NDE1: variants seen among roughly 807,000 people sequenced by gnomAD.
The protein encoded by NDE1 is nudE neurodevelopment protein 1.
NDE1 carries 28 observed loss-of-function variants against 43.4 expected under a neutral mutation model. That is an observed-to-expected ratio of 0.65 (90% CI 0.48 to 0.89). The LOEUF is 0.89. Ranked by LOEUF, NDE1 falls within the 40% of genes least tolerant of loss-of-function variation. The pLI, the probability that NDE1 is intolerant of heterozygous loss-of-function variation, is 0.00. For missense variants in NDE1, 441 were observed against 434.1 expected (o/e 1.02, Z -0.14); for synonymous variants, 184 against 172.0 (o/e 1.07, Z -0.55).
chr16:15,717,076 C>T, intron 8 of NDE1: 1 of 1,554,028 alleles, frequency 6.4e-7, no homozygotes, highest in South Asian at 1.1e-5. Context: ...TCCCTGACTT[C>T]ACTATGACTC....
intron 8 of NDE1, among the ~76,000 whole-genome samples, chr16:15,716,251 C>T (rs911797861): frequency 2.6e-5 from 4 of 151,920 alleles, no homozygotes; most frequent in African/African-American, 4.8e-5. Context: ...CTGTTTGAGC[C>T]GATGAAAATG....
chr16:15,712,655 G>T (rs564660654), intron 8 of NDE1, among the ~76,000 whole-genome samples: 92 of 152,176 alleles, frequency 6.0e-4, no homozygotes, highest in South Asian at 1.7e-3. Context: ...CGAGGTGAGG[G>T]ATCAGCAGAG....
At chr16:15,655,541 CT>C (rs2036718238) in intron 1 of NDE1, among the ~76,000 whole-genome samples, 1 of 152,162 alleles carries the variant, frequency 6.6e-6, no homozygotes, top group African/African-American at 2.4e-5. Flanking sequence ...GGACTGTAAA[CT>C]AGTTCAACCA....
At chr16:15,702,383 G>A (rs1336609084) in intron 8 of NDE1, among the ~76,000 whole-genome samples, 1 of 152,094 alleles carries the variant, frequency 6.6e-6, no homozygotes, top group African/African-American at 2.4e-5. Context: ...AATACTATCT[G>A]GCTGGGTGGG....
upstream of NDE1, among the ~76,000 whole-genome samples, chr16:15,648,137 G>A (rs2151380974): frequency 6.6e-6 from 1 of 152,114 alleles, no homozygotes; most frequent in African/African-American, 2.4e-5. Context: ...TTGATAACAG[G>A]CATGCAATGC....
At chr16:15,707,382 C>T (rs1041725521) in intron 8 of NDE1, among the ~76,000 whole-genome samples, 1 of 152,162 alleles carries the variant, frequency 6.6e-6, no homozygotes, top group East Asian at 1.9e-4. Context: ...CGGGAATCAT[C>T]TTGAGTGTAA....
chr16:15,700,510 G>C (rs1458096687), intron 8 of NDE1: 2 of 150,834 alleles, frequency 1.3e-5, no homozygotes, highest in African/African-American at 4.9e-5. Context: ...GGAGTGTAGT[G>C]GTGCAATTTC....
rs1259544402 is a variant in NDE1 at position 15,677,877 on chromosome 16, C to T, written c.314C>T (p.Ala105Val). The T allele has an allele frequency of 6.2e-7, 1 of 1,614,050 alleles. No individual in the cohort carries two copies. Among genetic ancestry groups the T allele is most frequent in the Non-Finnish European group, 8.5e-7 (1 of 1,180,010 alleles). The change falls in exon 4 of 9, where the codon GCC (alanine) becomes GTC (valine). Residue 105 changes from alanine to valine, a missense_variant. Physicochemically the swap from Ala to Val is moderately conservative, Grantham distance 64 (BLOSUM62 0). Coordinates refer to ENST00000396354, the MANE Select transcript of NDE1 (RefSeq NM_017668.3). Reference protein sequence around the residue: ...ALEDDLAQTKAIKDQLQKYIR... With the variant: ...ALEDDLAQTKVIKDQLQKYIR... The stretch of plus-strand genomic sequence containing the variant: ...GAGGATGACCTCGCGCAGACCAAAG[C>T]CATTAAAGACCAATTGCAGAAATAC...
Position 15,667,389 on chromosome 16 carries a change from GA to G in NDE1, c.188del (p.Asp63AlafsTer80). 1.9e-6 allele frequency: 3 copies of G among 1,613,976 alleles called. No individual in the cohort carries two copies. Among genetic ancestry groups the G allele is most frequent in the Non-Finnish European group, 2.5e-6 (3 of 1,179,930 alleles). On this transcript the variant is annotated frameshift_variant, in exon 3 of 9. Coordinates refer to ENST00000396354, the MANE Select transcript of NDE1 (RefSeq NM_017668.3). LOFTEE classifies it high-confidence loss of function. Reference sequence around the variant, plus strand: ...GCAACAAATTGAAACCAGGAACAGAGACCTCCTGTCCGAAAATAACCGCCTT... The same window carrying G: ...GCAACAAATTGAAACCAGGAACAGAGCCTCCTGTCCGAAAATAACCGCCTT... ...QLQQIETRNR[D>X]LLSENNRLRM...
intron 4 of NDE1, among the ~76,000 whole-genome samples, chr16:15,679,748 C>T (rs2032520559): frequency 1.3e-5 from 2 of 151,948 alleles, no homozygotes; most frequent in South Asian, 4.1e-4. Context: ...GTGTTTCCCA[C>T]GTGGTGTTTC....
At chr16:15,708,851 A>G (rs1182633571) in intron 8 of NDE1, 2 of 1,607,954 alleles carry the variant, frequency 1.2e-6, no homozygotes, top group African/African-American at 2.7e-5. Flanking sequence ...TCTGAAACAG[A>G]GAGAGAATCC....
intron 8 of NDE1, chr16:15,718,596 A>G (rs1363704757): frequency 1.7e-6 from 2 of 1,172,260 alleles, no homozygotes; most frequent in Non-Finnish European, 2.3e-6. Flanking sequence ...TTACACAGCC[A>G]GGAAGTGGAC....
In NDE1 at chr16:15,726,257, G is replaced by A. The variant is rs2151223292; in HGVS notation, c.*2006G>A. 6.4e-6 allele frequency: 1 copy of A among 155,172 alleles called. No individual in the cohort carries two copies. The highest frequency in any genetic ancestry group is 1.9e-4 in the East Asian group (1 of 5,256). 9.6% of individuals were successfully genotyped at this position (155,172 alleles called of 1,614,324 possible). A position where few individuals can be genotyped will look rare whatever the true frequency, so the allele number is the denominator to read the frequency against. The stretch of plus-strand genomic sequence containing the variant: ...ACTCGGCTGGAGTCCTACTGGGGCA[G>A]CGACAGTGTCTCTTCTTCCTTGCTG... On this transcript the variant is annotated 3_prime_UTR_variant, in exon 9 of 9. Coordinates refer to ENST00000396354, the MANE Select transcript of NDE1 (RefSeq NM_017668.3).
At chr16:15,672,240 C>T (rs1380256666) in intron 3 of NDE1, among the ~76,000 whole-genome samples, 1 of 152,036 alleles carries the variant, frequency 6.6e-6, no homozygotes, top group African/African-American at 2.4e-5. Context: ...TGAGACTGTC[C>T]TCGCTAACAT....
intron 1 of NDE1, among the ~76,000 whole-genome samples, chr16:15,657,690 G>T (rs764754047): frequency 5.3e-5 from 8 of 152,270 alleles, no homozygotes; most frequent in Non-Finnish European, 1.2e-4. Context: ...CGCTTCTCAG[G>T]CTTAAGTGAT....
rs890856227 is a variant in NDE1 at position 15,719,283 on chromosome 16, C to T, written c.948-4908C>T. 14 of 1,612,420 alleles carry T rather than the reference C, an allele frequency of 8.7e-6. No homozygotes were observed. The highest frequency in any genetic ancestry group is 8.3e-5 in the Admixed American group (5 of 59,986). ...CTCCTTCTCGAGGTCCGCTTGTTTG[C>T]GAGCCCTCTCAGCGGCGGCGAGGTC... On this transcript the variant is annotated intron_variant, in intron 8 of 8. Coordinates refer to ENST00000396354, the MANE Select transcript of NDE1 (RefSeq NM_017668.3).
chr16:15,667,791 C>G (rs2037393452), intron 3 of NDE1, among the ~76,000 whole-genome samples: 1 of 151,774 alleles, frequency 6.6e-6, no homozygotes, highest in Non-Finnish European at 1.5e-5. Flanking sequence ...GCTACCACGC[C>G]TGGCTAATTT....
chr16:15,677,530 G>C (rs1267650240), intron 3 of NDE1, among the ~76,000 whole-genome samples: 1 of 151,818 alleles, frequency 6.6e-6, no homozygotes, highest in African/African-American at 2.4e-5. Flanking sequence ...AGGTTGCAGT[G>C]AGCCAGGATC....
At chr16:15,697,472 G>A (rs1324633243) in intron 8 of NDE1, among the ~76,000 whole-genome samples, 2 of 152,122 alleles carry the variant, frequency 1.3e-5, no homozygotes, top group African/African-American at 4.8e-5. Flanking sequence ...AGTCTGGGAG[G>A]CCAAGGCAGG....
Sources: gnomAD v4.1 joint callset for allele counts (sites outside exome capture counted in the v4.1 genomes callset) on GRCh38, gnomAD v4.1.1 for gene constraint, MANE v1.5 for transcripts, NCBI Gene and HGNC (gene_info 2026-07-23, HGNC 2026-07-21) for gene names.